The following TRIM66 variants were observed in gnomAD, a reference collection of about 807,000 sequenced individuals.
The protein encoded by TRIM66 is tripartite motif-containing protein 66.
A neutral mutation model predicts 148.2 loss-of-function variants in TRIM66; 99 were observed. The observed-to-expected ratio is 0.67, with a 90% confidence interval of 0.57 to 0.79. The LOEUF is 0.79. Ranked by LOEUF, TRIM66 falls within the 30% of genes least tolerant of loss-of-function variation. TRIM66 has a pLI of 0.00. For missense variants in TRIM66, 1,666 were observed against 1,697.9 expected, an observed-to-expected ratio of 0.98 and a Z score of 0.33; for synonymous variants, 616 against 635.9, an observed-to-expected ratio of 0.97 and a Z score of 0.47.
chr11:8,669,642 CA>C (rs112240789), intron 6 of TRIM66, among the ~76,000 whole-genome samples: 57,147 of 120,342 alleles, frequency 0.47, 11,424 homozygotes, highest in East Asian at 0.63. Context: ...GACCCTGTCT[CA>C]AAAAAAAAAA....
At position 8,640,694 on chromosome 11, in the gene TRIM66, G is replaced by A. The variant is rs1210287733; in HGVS notation, c.1681C>T (p.Pro561Ser). ...TGGGCTCCTTGCTGAACATCCTGTG[G>A]GGGGACAATGCACACGGGCTGGGAA... ...LTSQPVCIVP[P>S]QDVQQGAHAQ... The change falls in exon 14 of 25, where the codon CCA (proline) becomes TCA (serine). Residue 561 changes from proline to serine, a missense_variant. By Grantham distance (74) the Pro-to-Ser change is moderately conservative. Coordinates refer to ENST00000646038, the MANE Select transcript of TRIM66 (RefSeq NM_001388022.1). 1.3e-6 allele frequency: 2 copies of A among 1,551,552 alleles called. No homozygotes were observed. The highest frequency in any genetic ancestry group is 4.9e-5 in the East Asian group (2 of 40,930).
At chr11:8,649,976 G>T in intron 7 of TRIM66, 89 bp from the exon 8 acceptor site, 3 of 1,432,524 alleles carry the variant, frequency 2.1e-6, no homozygotes, top group Non-Finnish European at 1.9e-6. Flanking sequence ...CAGGGGTCCT[G>T]CAGGCCTATT....
chr11:8,630,683 A>C (rs1013219398), intron 15 of TRIM66, among the ~76,000 whole-genome samples: 1 of 151,584 alleles, frequency 6.6e-6, no homozygotes, highest in Non-Finnish European at 1.5e-5. Flanking sequence ...CCTTCCCCCA[A>C]ACTGTGTGTC....
intron 6 of TRIM66, chr11:8,658,764 C>A: frequency 1.0e-6 from 1 of 985,316 alleles, no homozygotes; most frequent in African/African-American, 1.7e-5. Context: ...CAGCAGGAGC[C>A]CAAGATATCC....
Position 8,640,277 on chromosome 11 carries a change from C to T in TRIM66, c.2098G>A (p.Val700Met), listed in dbSNP as rs758212109. 1.2e-5 allele frequency: 18 copies of T among 1,551,556 alleles called. No individual in the cohort carries two copies. Among genetic ancestry groups the T allele is most frequent in the Non-Finnish European group, 1.4e-5 (16 of 1,146,986 alleles). Residue 700 changes from valine (V) to methionine (M), a missense_variant, in exon 14 of 25, where the codon GTG becomes ATG. This residue lies in a region of TRIM66 where 1,431 missense variants were observed against 1,412.4 expected (regional missense o/e 1.01). Coordinates refer to ENST00000646038, the MANE Select transcript of TRIM66 (RefSeq NM_001388022.1). ...GACTGGACAGGTGCTGGCTGCCTCA[C>T]GATGTAGTTGATCTGCCCCACAATG... ...QTIVGQINYI[V>M]RQPAPVQSQS...
intron 13 of TRIM66, 141 bp downstream of exon 13, chr11:8,642,868 A>T (rs937393260): frequency 3.1e-5 from 8 of 254,058 alleles, no homozygotes; most frequent in South Asian, 1.3e-4. Flanking sequence ...AAAAAAAAAA[A>T]GGTTTGCTGA....
chr11:8,631,677 T>C (rs981395996), intron 15 of TRIM66, among the ~76,000 whole-genome samples: 6 of 152,208 alleles, frequency 3.9e-5, no homozygotes, highest in Non-Finnish European at 5.9e-5. Flanking sequence ...GCTGCCCTTA[T>C]AGAAATCTTG....
chr11:8,682,850 C>T (rs2039509759), upstream of TRIM66: 4 of 1,604,482 alleles, frequency 2.5e-6, no homozygotes, highest in South Asian at 1.1e-5. Context: ...CTCTTCCTTG[C>T]CGGCGGAGAC....
chr11:8,631,956 A>G (rs2035442737), intron 15 of TRIM66, among the ~76,000 whole-genome samples: 1 of 152,212 alleles, frequency 6.6e-6, no homozygotes. Context: ...TGCAATAGAA[A>G]AAGGGACCAC....
chr11:8,669,258 G>A (rs1053385907), intron 6 of TRIM66, among the ~76,000 whole-genome samples: 7 of 152,114 alleles, frequency 4.6e-5, no homozygotes, highest in African/African-American at 1.7e-4. Flanking sequence ...GAAGAATTAC[G>A]GTAAAGTCAC....
chr11:8,647,407 C>T (rs2036960943), intron 10 of TRIM66, among the ~76,000 whole-genome samples: 1 of 150,764 alleles, frequency 6.6e-6, no homozygotes, highest in Admixed American at 6.6e-5. Context: ...GAACCTCAGT[C>T]TCCTCATCAG....
Position 8,619,547 on chromosome 11 carries a change from A to C in TRIM66, c.3748-12T>G, listed in dbSNP as rs978202865. On this transcript the variant is annotated splice_polypyrimidine_tract_variant and intron_variant, in intron 22 of 24. Transcript: ENST00000646038. The stretch of plus-strand genomic sequence containing the variant: ...TAATAATGCCGGGCCTTGGGGGAGG[A>C]GACATGAGGAGAAGGAGGCAAAGGG... 1.2e-5 allele frequency: 19 copies of C among 1,520,856 alleles called. No individual in the cohort carries two copies. The highest frequency in any genetic ancestry group is 6.6e-5 in the Admixed American group (3 of 45,310). 94.2% of individuals were successfully genotyped at this position (1,520,856 alleles called of 1,614,324 possible). A position where few individuals can be genotyped will look rare whatever the true frequency, so the allele number is the denominator to read the frequency against.
chr11:8,659,773 T>C lies in TRIM66; in HGVS notation c.341-7870A>G, dbSNP rs548402667. Reference sequence around the variant, plus strand: ...TCAAGGCCCAGCAATCAGGAACCAATGGCCTGGACAGCTGCGGTTGTCCAG... The same window carrying C: ...TCAAGGCCCAGCAATCAGGAACCAACGGCCTGGACAGCTGCGGTTGTCCAG... On this transcript the variant is annotated intron_variant, in intron 6 of 24. Coordinates refer to ENST00000646038, the MANE Select transcript of TRIM66 (RefSeq NM_001388022.1). Among the ~76,000 whole-genome samples, 40 of 152,344 alleles carry C rather than the reference T, an allele frequency of 2.6e-4. 1 individual carries two copies. Among genetic ancestry groups the C allele is most frequent in the Admixed American group, 1.9e-3 (29 of 15,306 alleles).
chr11:8,643,031 C>G lies in TRIM66; in HGVS notation c.1200G>C (p.Trp400Cys). Residue 400 changes from tryptophan (W) to cysteine (C), a missense_variant, in exon 13 of 25, where the codon TGG (tryptophan) becomes TGC (cysteine). Physicochemically the swap from Trp to Cys is radical, Grantham distance 215. Coordinates refer to ENST00000646038, the MANE Select transcript of TRIM66 (RefSeq NM_001388022.1). ...CACCAAGAGAAGCTAGCTGCTTGGT[C>G]CAGAAGTTAGGCTCCCAGGTGAATC... ...SIRFTWEPNF[W>C]TKQLASLGCI... 6.4e-7 allele frequency: 1 copy of G among 1,550,962 alleles called. No homozygotes were observed. Among genetic ancestry groups the G allele is most frequent in the Non-Finnish European group, 8.7e-7 (1 of 1,146,736 alleles).
At position 8,621,813 on chromosome 11, in the gene TRIM66, G is replaced by GA; in HGVS notation, c.3086dup (p.Asn1030GlnfsTer2). Reference sequence around the variant, plus strand: ...CATAGGGAATCTTATGCTCACTATTGAAGGCTCTGCAGCAAGACAGACACC... The same window carrying GA: ...CATAGGGAATCTTATGCTCACTATTGAAAGGCTCTGCAGCAAGACAGACACC... On this transcript the variant is annotated frameshift_variant, in exon 19 of 25. Coordinates refer to ENST00000646038, the MANE Select transcript of TRIM66 (RefSeq NM_001388022.1). LOFTEE classifies it high-confidence loss of function. 3 of 1,543,840 alleles carry GA rather than the reference G, an allele frequency of 1.9e-6. No homozygotes were observed. Among genetic ancestry groups the GA allele is most frequent in the Non-Finnish European group, 1.7e-6 (2 of 1,144,212 alleles).
intron 3 of TRIM66, chr11:8,678,082 C>T (rs1468737993): frequency 6.6e-6 from 1 of 152,070 alleles, no homozygotes; most frequent in African/African-American, 2.4e-5. Context: ...TGGTACGATC[C>T]TTTTGGAAAA....
intron 6 of TRIM66, among the ~76,000 whole-genome samples, chr11:8,661,676 T>C (rs1380019253): frequency 1.3e-5 from 2 of 152,090 alleles, no homozygotes; most frequent in Non-Finnish European, 1.5e-5. Flanking sequence ...AGTGACCGAT[T>C]ATGTGGTTTT....
At chr11:8,681,186 T>C (rs11042038) in intron 1 of TRIM66, among the ~76,000 whole-genome samples, 28,254 of 151,002 alleles carry the variant, frequency 0.19, 2,755 homozygotes, top group East Asian at 0.26. Context: ...CAGGCTGCAG[T>C]GCAGTGGCGC....
At chr11:8,620,336 A>C in intron 21 of TRIM66, 110 bp downstream of exon 21, 1 of 1,480,898 alleles carries the variant, frequency 6.8e-7, no homozygotes, top group East Asian at 2.5e-5. Context: ...GCATAGGACG[A>C]AGAAATGTAT....
Sources: allele counts gnomAD v4.1 joint callset (sites outside exome capture counted in the v4.1 genomes callset), GRCh38; gene constraint gnomAD v4.1.1; regional missense constraint gnomAD v4.1.1; transcripts MANE v1.5; gene names NCBI Gene and HGNC (gene_info 2026-07-23, HGNC 2026-07-21).